Variants in ARMC2 observed in about 807,000 individuals in gnomAD.
The protein encoded by ARMC2 is armadillo repeat-containing protein 2.
In ARMC2, 67 loss-of-function variants were observed where a neutral mutation model predicts 90.3. The observed-to-expected ratio is 0.74, with a 90% confidence interval of 0.61 to 0.91. ARMC2 has a LOEUF of 0.91. ARMC2 is among the 40% of genes least tolerant of loss of function. The probability of loss-of-function intolerance (pLI) is 0.00; values close to 1 mark genes in which losing one functional copy is unlikely to be tolerated. For missense variants in ARMC2, 920 were observed against 1,030.9 expected (o/e 0.89, Z 1.47); for synonymous variants, 393 against 393.0 (o/e 1.00, Z 0.00).
chr6:108,970,083 CT>C, intron 17 of ARMC2, among the ~76,000 whole-genome samples: 1 of 152,202 alleles, frequency 6.6e-6, no homozygotes, highest in East Asian at 1.9e-4. Flanking sequence ...CTCAATCAGC[CT>C]CTGCTACTCT....
chr6:109,001,291 T>A, the ARMC2 span: 1 of 1,612,962 alleles, frequency 6.2e-7, no homozygotes, highest in Non-Finnish European at 8.5e-7. Context: ...TACAAACCAT[T>A]ATTCCAATGT....
At chr6:109,045,382 C>T in the ARMC2 span, among the ~76,000 whole-genome samples, 8 of 152,176 alleles carry the variant, frequency 5.3e-5, no homozygotes, top group African/African-American at 1.7e-4. Context: ...TTCCAAAATG[C>T]AGATCTGATG....
chr6:108,972,030 G>A (rs191884147), intron 17 of ARMC2, among the ~76,000 whole-genome samples: 3 of 152,284 alleles, frequency 2.0e-5, no homozygotes, highest in Admixed American at 2.0e-4. Flanking sequence ...AATGTAGGAA[G>A]TGGCAGAGCT....
At chr6:108,959,629 C>G (rs1777842607) in intron 13 of ARMC2, 1 of 151,966 alleles carries the variant, frequency 6.6e-6, no homozygotes, top group Admixed American at 6.6e-5. Flanking sequence ...CTCAGTGTTG[C>G]CGGGCTCGTG....
At chr6:109,033,365 C>G in the ARMC2 span, among the ~76,000 whole-genome samples, 1 of 152,184 alleles carries the variant, frequency 6.6e-6, no homozygotes, top group African/African-American at 2.4e-5. Flanking sequence ...CAAGAAGCCT[C>G]TTGCTTCTTT....
chr6:109,002,380 A>C, the ARMC2 span: 1 of 1,554,212 alleles, frequency 6.4e-7, no homozygotes, highest in Non-Finnish European at 8.9e-7. Flanking sequence ...GGCCTTTGGC[A>C]GTAAACAAAA....
chr6:108,964,980 G>T lies in ARMC2; in HGVS notation c.2286G>T (p.Lys762Asn). 6.2e-7 allele frequency: 1 copy of T among 1,601,994 alleles called. No individual in the cohort carries two copies. The highest frequency in any genetic ancestry group is 8.5e-7 in the Non-Finnish European group (1 of 1,170,020). ...VILKEGGGIKKLVDCLRDLGP... is the reference protein window; with the variant it reads ...VILKEGGGIKNLVDCLRDLGP... Reference sequence around the variant, plus strand: ...CTCAATTTGAATTTTATTAACTCAGGTTAGTGGACTGTTTAAGAGATTTGG... The same window carrying T: ...CTCAATTTGAATTTTATTAACTCAGTTTAGTGGACTGTTTAAGAGATTTGG... Residue 762 changes from lysine to asparagine, a missense_variant and splice_region_variant, in exon 17 of 18, where the codon AAG becomes AAT. By Grantham distance (94) the Lys-to-Asn change is moderately conservative. Coordinates refer to ENST00000392644, the MANE Select transcript of ARMC2 (RefSeq NM_032131.6).
intron 5 of ARMC2, among the ~76,000 whole-genome samples, chr6:108,881,178 T>C (rs556449788): frequency 4.0e-4 from 61 of 151,602 alleles, no homozygotes; most frequent in South Asian, 1.2e-3. Context: ...TTTCTTTTTT[T>C]TTTCTTTCTT....
chr6:108,850,461 C>T (rs1035721056), intron 1 of ARMC2, among the ~76,000 whole-genome samples: 1 of 152,194 alleles, frequency 6.6e-6, no homozygotes, highest in African/African-American at 2.4e-5. Flanking sequence ...TCTCATCTCT[C>T]CTCTAACCTC....
intron 8 of ARMC2, chr6:108,907,823 A>G: frequency 8.3e-7 from 1 of 1,204,266 alleles, no homozygotes; most frequent in South Asian, 1.2e-5. Flanking sequence ...CAGCTCCCCC[A>G]GTTTGACCTC....
intron 3 of ARMC2, among the ~76,000 whole-genome samples, chr6:108,861,627 G>T (rs1241093790): frequency 1.3e-5 from 2 of 152,170 alleles, no homozygotes; most frequent in African/African-American, 4.8e-5. Context: ...TAGCAAGCAC[G>T]AACCAATATT....
At chr6:108,940,484 C>T (rs970775609) in intron 12 of ARMC2, among the ~76,000 whole-genome samples, 9 of 152,112 alleles carry the variant, frequency 5.9e-5, no homozygotes, top group East Asian at 3.9e-4. Context: ...TTACATAGCA[C>T]GCAGGGAAGG....
the ARMC2 span, among the ~76,000 whole-genome samples, chr6:109,013,070 C>T: frequency 1.3e-5 from 2 of 149,950 alleles, no homozygotes; most frequent in African/African-American, 4.9e-5. Flanking sequence ...GAGCCAAGAT[C>T]GCACCATTGC....
chr6:108,936,914 A>G lies in ARMC2; in HGVS notation c.1511A>G (p.Tyr504Cys), dbSNP rs1300513556. ...IARIFSKLTSYRDCCTALASY... is the reference protein window; with the variant it reads ...IARIFSKLTSCRDCCTALASY... ...CATTTCTGCAGCAAACTTACTTCTT[A>G]CCGTGACTGCTGCACAGCCTTGGCC... is the stretch of plus-strand genomic sequence containing the variant. Residue 504 changes from tyrosine (Y) to cysteine (C), a missense_variant, in exon 12 of 18, where the codon TAC becomes TGC. Tyr to Cys is a radical substitution (Grantham distance 194). Transcript: ENST00000392644. 1.3e-6 allele frequency: 2 copies of G among 1,598,112 alleles called. No individual in the cohort carries two copies. Among genetic ancestry groups the G allele is most frequent in the East Asian group, 2.2e-5 (1 of 44,668 alleles).
intron 13 of ARMC2, 108 bp from the exon 14 acceptor site, chr6:108,961,464 C>A (rs1204505617): frequency 2.4e-6 from 3 of 1,258,836 alleles, no homozygotes; most frequent in South Asian, 3.1e-5. Flanking sequence ...TTGTAGGGAC[C>A]CTGCGTGATC....
At chr6:108,912,259 TCA>T in intron 9 of ARMC2, 74 bp from the exon 10 acceptor site, 1 of 1,049,066 alleles carries the variant, frequency 9.5e-7, no homozygotes, top group Non-Finnish European at 1.4e-6. Context: ...TATTTTATGT[TCA>T]CACACAAGTG....
At chr6:108,969,420 G>A (rs552781369) in intron 17 of ARMC2, among the ~76,000 whole-genome samples, 3 of 152,222 alleles carry the variant, frequency 2.0e-5, no homozygotes, top group South Asian at 4.1e-4. Context: ...ATATTTTAGG[G>A]TCTTTTAATT....
chr6:108,882,917 CAA>C (rs1777734182), intron 5 of ARMC2, among the ~76,000 whole-genome samples: 1 of 152,124 alleles, frequency 6.6e-6, no homozygotes, highest in African/African-American at 2.4e-5. Flanking sequence ...CTTTCTGAAA[CAA>C]ATACTTAAAT....
chr6:108,881,129 C>T (rs1777505909), intron 5 of ARMC2, among the ~76,000 whole-genome samples: 1 of 152,076 alleles, frequency 6.6e-6, no homozygotes, highest in African/African-American at 2.4e-5. Flanking sequence ...ACTGAGATTA[C>T]AGGCGTGAGC....
Sources: gnomAD v4.1 joint callset for allele counts (sites outside exome capture counted in the v4.1 genomes callset) on GRCh38, gnomAD v4.1.1 for gene constraint, MANE v1.5 for transcripts, NCBI Gene and HGNC (gene_info 2026-07-23, HGNC 2026-07-21) for gene names.